TCF4: variants seen among roughly 807,000 people sequenced by gnomAD.
TCF4 encodes SL3-3 enhancer factor 2.
Under a neutral mutation model 82.1 loss-of-function variants are expected in TCF4, and 3 were observed. The observed-to-expected ratio is 0.04, with a 90% confidence interval of 0.02 to 0.09. The LOEUF is 0.09. Ranked by LOEUF, TCF4 falls within the 10% of genes least tolerant of loss-of-function variation. The pLI, the probability that TCF4 is intolerant of heterozygous loss-of-function variation, is 1.00. For synonymous variants in TCF4, 276 were observed against 309.6 expected (o/e 0.89, Z 1.14); for missense variants, 518 against 852.7 (o/e 0.61, Z 4.89).
intron 10 of TCF4, among the ~76,000 whole-genome samples, chr18:55,270,774 T>C (rs2060184794): frequency 6.6e-6 from 1 of 152,142 alleles, no homozygotes; most frequent in Admixed American, 6.6e-5. Context: ...GGCAAATTAG[T>C]TGCAATCCAC....
intron 3 of TCF4, among the ~76,000 whole-genome samples, chr18:55,506,206 C>A (rs554760670): frequency 6.6e-6 from 1 of 152,144 alleles, no homozygotes; most frequent in East Asian, 1.9e-4. Flanking sequence ...TACTGATGAC[C>A]TGCAGTGGAA....
At chr18:55,248,006 G>A (rs540205536) in intron 15 of TCF4, among the ~76,000 whole-genome samples, 7 of 152,320 alleles carry the variant, frequency 4.6e-5, no homozygotes, top group Non-Finnish European at 1.0e-4. Context: ...TGCTTGGCAG[G>A]AAATCTGTAG....
intron 5 of TCF4, 60 bp from the exon 6 acceptor site, chr18:55,403,578 C>T (rs2093942250): frequency 6.2e-7 from 1 of 1,613,654 alleles, no homozygotes; most frequent in Non-Finnish European, 8.5e-7. Context: ...AAAATCTCCT[C>T]CAGGTAACAG....
At chr18:55,380,081 G>A (rs186365304) in intron 6 of TCF4, among the ~76,000 whole-genome samples, 12 of 152,002 alleles carry the variant, frequency 7.9e-5, no homozygotes, top group South Asian at 4.2e-4. Flanking sequence ...GGGTTTCATC[G>A]TGTTGCTCAG....
At chr18:55,382,194 G>T (rs886395476) in intron 6 of TCF4, among the ~76,000 whole-genome samples, 2 of 152,094 alleles carry the variant, frequency 1.3e-5, no homozygotes, top group Admixed American at 1.3e-4. Flanking sequence ...TAAGTGTGGA[G>T]TTCTGGGAGG....
chr18:55,432,488 CTTG>C (rs1222711283), intron 5 of TCF4, among the ~76,000 whole-genome samples: 3 of 152,082 alleles, frequency 2.0e-5, no homozygotes, highest in African/African-American at 4.8e-5. Flanking sequence ...TAAGGTTGGC[CTTG>C]TTATCTCCAT....
At chr18:55,556,156 A>ATT (rs34112862) in intron 3 of TCF4, among the ~76,000 whole-genome samples, 40 of 151,504 alleles carry the variant, frequency 2.6e-4, no homozygotes, top group African/African-American at 9.2e-4. Context: ...TTTCAGTGTG[A>ATT]TTTTTTTTTC....
chr18:55,603,445 T>A (rs576361621), intron 2 of TCF4, among the ~76,000 whole-genome samples: 2 of 152,340 alleles, frequency 1.3e-5, no homozygotes, highest in South Asian at 4.1e-4. Flanking sequence ...TATGAATTGT[T>A]ACTTAAGAAT....
chr18:55,539,302 T>C (rs187018516), intron 3 of TCF4, among the ~76,000 whole-genome samples: 11 of 152,254 alleles, frequency 7.2e-5, no homozygotes, highest in Admixed American at 2.6e-4. Context: ...TTCAGGGAAA[T>C]GGCCAGAAAA....
intron 8 of TCF4, among the ~76,000 whole-genome samples, chr18:55,282,854 C>T (rs768658277): frequency 1.3e-3 from 192 of 151,830 alleles, no homozygotes; most frequent in Non-Finnish European, 9.0e-4. Context: ...TCCAATAATA[C>T]GCTTAGATCA....
intron 15 of TCF4, among the ~76,000 whole-genome samples, chr18:55,244,849 G>A (rs1427043919): frequency 1.3e-5 from 2 of 152,174 alleles, no homozygotes; most frequent in East Asian, 3.8e-4. Context: ...AAAGAGACCC[G>A]TCCGTGTGCA....
At chr18:55,587,441 GA>G (rs910576098) in intron 1 of TCF4, among the ~76,000 whole-genome samples, 80 of 76,052 alleles carry the variant, frequency 1.1e-3, no homozygotes, top group East Asian at 2.2e-3. Flanking sequence ...ATCAGGGAAA[GA>G]AAAAAAAAAA....
intron 5 of TCF4, among the ~76,000 whole-genome samples, chr18:55,406,740 C>A (rs2094111272): frequency 6.6e-6 from 1 of 152,162 alleles, no homozygotes; most frequent in South Asian, 2.1e-4. Context: ...CCACCCGCCT[C>A]CCCCCATCCC....
intron 2 of TCF4, among the ~76,000 whole-genome samples, chr18:55,624,413 T>C (rs896610040): frequency 6.6e-6 from 1 of 152,092 alleles, no homozygotes; most frequent in South Asian, 2.1e-4. Context: ...AGGAAGTCAG[T>C]GCATGTTCAA....
chr18:55,242,774 T>G (rs1299302838), intron 15 of TCF4, among the ~76,000 whole-genome samples: 1 of 152,120 alleles, frequency 6.6e-6, no homozygotes, highest in Non-Finnish European at 1.5e-5. Flanking sequence ...TACGCCCAGC[T>G]AATTTTTGTA....
intron 5 of TCF4, among the ~76,000 whole-genome samples, chr18:55,429,404 T>C (rs1406828129): frequency 6.6e-6 from 1 of 152,150 alleles, no homozygotes; most frequent in East Asian, 1.9e-4. Flanking sequence ...CTAGGTGAAA[T>C]ATCAGACTCT....
At chr18:55,561,718 G>A (rs1406416652) in intron 3 of TCF4, among the ~76,000 whole-genome samples, 2 of 152,030 alleles carry the variant, frequency 1.3e-5, no homozygotes, top group Non-Finnish European at 2.9e-5. Flanking sequence ...CTGTTAACAA[G>A]AATAAGACAT....
chr18:55,555,457 C>T (rs903415180), intron 3 of TCF4, among the ~76,000 whole-genome samples: 3 of 152,102 alleles, frequency 2.0e-5, no homozygotes, highest in African/African-American at 4.8e-5. Context: ...AAAATGGTAA[C>T]ATTTTCAGAA....
chr18:55,453,275 G>C (rs1285520942), intron 5 of TCF4, among the ~76,000 whole-genome samples: 5 of 152,136 alleles, frequency 3.3e-5, no homozygotes, highest in Admixed American at 3.3e-4. Context: ...AAGGACAAAA[G>C]AATCACAGAG....
Sources: allele counts gnomAD v4.1 joint callset (sites outside exome capture counted in the v4.1 genomes callset), GRCh38; gene constraint gnomAD v4.1.1; transcripts MANE v1.5; gene names NCBI Gene and HGNC (gene_info 2026-07-23, HGNC 2026-07-21).